Variants in MAP3K19 observed in about 807,000 individuals in gnomAD.
The protein encoded by MAP3K19 is mitogen-activated protein kinase kinase kinase 19.
Under a neutral mutation model 114.4 loss-of-function variants are expected in MAP3K19, and 91 were observed. That is an observed-to-expected ratio of 0.80 (90% CI 0.67 to 0.95). The LOEUF is 0.95. Ranked by LOEUF, MAP3K19 falls within the 40% of genes least tolerant of loss-of-function variation. The pLI, the probability that MAP3K19 is intolerant of heterozygous loss-of-function variation, is 0.00. For synonymous variants in MAP3K19, 518 were observed against 530.5 expected (o/e 0.98, Z 0.32); for missense variants, 1,471 against 1,573.2 (o/e 0.94, Z 1.10).
intron 8 of MAP3K19, among the ~76,000 whole-genome samples, chr2:134,992,917 G>A (rs1685690391): frequency 6.6e-6 from 1 of 151,778 alleles, no homozygotes; most frequent in Non-Finnish European, 1.5e-5. Flanking sequence ...TTGACCTCGT[G>A]ATCCACCGGC....
At chr2:135,036,472 A>G (rs1688529857) in intron 2 of MAP3K19, among the ~76,000 whole-genome samples, 1 of 152,214 alleles carries the variant, frequency 6.6e-6, no homozygotes, top group African/African-American at 2.4e-5. Flanking sequence ...ATTCAATTTC[A>G]AATAATTAAA....
intron 10 of MAP3K19, 22 bp downstream of exon 10, chr2:134,985,778 C>A: frequency 6.4e-7 from 1 of 1,560,982 alleles, no homozygotes; most frequent in Non-Finnish European, 8.6e-7. Context: ...CCCAATGAAT[C>A]TTGGATTCTA....
intron 6 of MAP3K19, among the ~76,000 whole-genome samples, chr2:135,003,881 A>G (rs1418755914): frequency 6.6e-6 from 1 of 152,248 alleles, no homozygotes; most frequent in Admixed American, 6.5e-5. Flanking sequence ...ACCGATATTT[A>G]AAATGAATAT....
At chr2:134,984,185 T>C (rs1267890452) in intron 10 of MAP3K19, among the ~76,000 whole-genome samples, 1 of 152,164 alleles carries the variant, frequency 6.6e-6, no homozygotes, top group African/African-American at 2.4e-5. Flanking sequence ...TGCCATCTCC[T>C]CAGCCCCCTA....
rs1185332880 is a variant in MAP3K19, at chr2:135,024,637, A to G, written c.11T>C (p.Met4Thr). 2.1e-5 allele frequency: 34 copies of G among 1,613,810 alleles called. No homozygotes were observed. The highest frequency in any genetic ancestry group is 2.8e-5 in the Non-Finnish European group (33 of 1,179,744). Residue 4 changes from methionine (M) to threonine (T), a missense_variant, in exon 4 of 13, where the codon ATG becomes ACG. Transcript: ENST00000392915. ...GTGAAAGTATTTACCTGGTTTTGGC[A>G]TAGAACTCATTAAAATGTCCAAAAG... Reference protein sequence around the residue: MSSMPKPERHAESL... With the variant: MSSTPKPERHAESL...
intron 3 of MAP3K19, among the ~76,000 whole-genome samples, chr2:135,029,779 G>C (rs1037808578): frequency 2.0e-5 from 3 of 152,224 alleles, no homozygotes; most frequent in African/African-American, 7.2e-5. Context: ...GATTTTGCAA[G>C]TTGCTTTGGG....
rs1241010575 is a variant in MAP3K19 at position 134,996,064 on chromosome 2, C to T, written c.574+2674G>A. 3.3e-5 allele frequency among the ~76,000 whole-genome samples: 5 copies of T among 152,064 alleles called. No homozygotes were observed. In the East Asian group the frequency reaches 5.8e-4, roughly 18 times the overall value. On this transcript the variant is annotated intron_variant, in intron 8 of 12. Transcript: ENST00000392915. ...AAGCAATCCTCCCACCTCAGCCTCC[C>T]GAGTAGCTGAGCCTATAGGTGTGCA...
At chr2:134,968,320 T>C (rs983459969) in intron 12 of MAP3K19, among the ~76,000 whole-genome samples, 1 of 151,894 alleles carries the variant, frequency 6.6e-6, no homozygotes, top group African/African-American at 2.4e-5. Flanking sequence ...TTCCCCCGTT[T>C]CTATTCCACA....
Position 134,986,539 on chromosome 2 carries a change from G to T in MAP3K19, c.2333C>A (p.Ser778Tyr). The change falls in exon 10 of 13, where the codon TCT (serine) becomes TAT (tyrosine). Residue 778 changes from serine (S) to tyrosine (Y), a missense_variant. Transcript: ENST00000392915. ...QIKSSGNEFL[S>Y]SKDEIHPMNL... ...CATGGGATGAATTTCATCTTTGGAAGATAGAAACTCATTTCCTGAAGACTT... is the reference window on the plus strand; with the variant it reads ...CATGGGATGAATTTCATCTTTGGAATATAGAAACTCATTTCCTGAAGACTT... The T allele has an allele frequency of 6.2e-7, 1 of 1,614,128 alleles. No individual in the cohort carries two copies. The highest frequency in any genetic ancestry group is 8.5e-7 in the Non-Finnish European group (1 of 1,180,024).
At chr2:135,046,632 G>C (rs1361476774) in intron 1 of MAP3K19, among the ~76,000 whole-genome samples, 1 of 152,062 alleles carries the variant, frequency 6.6e-6, no homozygotes, top group Non-Finnish European at 1.5e-5. Flanking sequence ...TTCCACAGAG[G>C]TTTTTAGTTT....
In MAP3K19 at chr2:134,986,979, A is replaced by C; in HGVS notation, c.1893T>G (p.Ser631=). ...TTAGTCTTGGCTCTGTCGGTTGAAC[A>C]GAGAGAGGAACACATGACTTCTGTG... ...PGTQKSCVPL[S]VQPTEPRLNY... Residue 631 remains serine, a synonymous_variant, in exon 10 of 13, where the codon TCT becomes TCG. Transcript: ENST00000392915. 1 of 1,613,798 alleles carries C rather than the reference A, an allele frequency of 6.2e-7. No homozygotes were observed. Among genetic ancestry groups the C allele is most frequent in the Non-Finnish European group, 8.5e-7 (1 of 1,180,038 alleles).
In MAP3K19 at chr2:134,998,974, T is replaced by G; in HGVS notation, c.338A>C (p.Glu113Ala). The G allele has an allele frequency of 6.2e-7, 1 of 1,613,432 alleles. No individual in the cohort carries two copies. The highest frequency in any genetic ancestry group is 8.5e-7 in the Non-Finnish European group (1 of 1,179,912). ...AGAAACTGCATGTGCTTGTGCCCAT[T>G]CTTGAAGCGATGAGTTTATCAGACT... The part of the protein sequence containing the change: ...EKNLINSSLQ[E>A]WAQAHAVSHP... Residue 113 changes from glutamate to alanine, a missense_variant, in exon 8 of 13, where the codon GAA (glutamate) becomes GCA (alanine). By Grantham distance (107) the Glu-to-Ala change is moderately radical (BLOSUM62 -1). Transcript: ENST00000392915.
At position 134,987,430 on chromosome 2, in the gene MAP3K19, A is replaced by T; in HGVS notation, c.1442T>A (p.Met481Lys). The change falls in exon 10 of 13, where the codon ATG (methionine) becomes AAG (lysine). Residue 481 changes from methionine to lysine, a missense_variant. By Grantham distance (95) the Met-to-Lys change is moderately conservative. Coordinates refer to ENST00000392915, the MANE Select transcript of MAP3K19 (RefSeq NM_025052.5). ...GAAGGTGATGTGGATAAGAGGCACC[A>T]TCCTACTCATTTCTGGTTTGGCTCT... ...AERAKPEMSR[M>K]VPLIHITFPV... The T allele has an allele frequency of 1.2e-6, 2 of 1,614,134 alleles. No homozygotes were observed. The highest frequency in any genetic ancestry group is 1.7e-6 in the Non-Finnish European group (2 of 1,180,042).
intron 1 of MAP3K19, among the ~76,000 whole-genome samples, chr2:135,045,992 A>G (rs1221561365): frequency 1.3e-5 from 2 of 151,742 alleles, no homozygotes; most frequent in Non-Finnish European, 2.9e-5. Context: ...CAGCTTGATC[A>G]TAGCTCACTG....
intron 3 of MAP3K19, 120 bp from the exon 4 acceptor site, chr2:135,024,861 GATA>G: frequency 2.0e-6 from 1 of 489,912 alleles, no homozygotes; most frequent in South Asian, 3.5e-5. Flanking sequence ...GTAGTTTGGG[GATA>G]ATAATAATGA....
In MAP3K19 at chr2:135,024,607, G is replaced by A. The variant is rs776202210; in HGVS notation, c.22+19C>T. ...ATTTTTGGGTTGGGAAATTATGCAT[G>A]TGGAGTGAAAGTATTTACCTGGTTT... On this transcript the variant is annotated intron_variant, in intron 4 of 12. Transcript: ENST00000392915. 6.2e-7 allele frequency: 1 copy of A among 1,611,054 alleles called. No individual in the cohort carries two copies. The highest frequency in any genetic ancestry group is 8.5e-7 in the Non-Finnish European group (1 of 1,177,448).
At position 134,988,145 on chromosome 2, in the gene MAP3K19, A is replaced by T. The variant is rs779350032; in HGVS notation, c.727T>A (p.Ser243Thr). ...EKERNIPSLTSFVPKLSVSVR... is the reference protein window; with the variant it reads ...EKERNIPSLTTFVPKLSVSVR... ...GACACTGAGAGCTTAGGCACAAAAG[A>T]TGTGAGACTTGGAATGTTTCTTTCT... is the stretch of plus-strand genomic sequence containing the variant. The change falls in exon 10 of 13, where the codon TCT (serine) becomes ACT (threonine). Residue 243 changes from serine to threonine, a missense_variant. Coordinates refer to ENST00000392915, the MANE Select transcript of MAP3K19 (RefSeq NM_025052.5). 5 of 1,614,028 alleles carry T rather than the reference A, an allele frequency of 3.1e-6. No individual in the cohort carries two copies. The highest frequency in any genetic ancestry group is 1.6e-4 in the Middle Eastern group (1 of 6,062).
rs1334838338 is a variant in MAP3K19, at chr2:134,986,292, A to C, written c.2580T>G (p.Ser860Arg). 3.7e-6 allele frequency: 6 copies of C among 1,614,040 alleles called. No homozygotes were observed. The highest frequency in any genetic ancestry group is 5.1e-6 in the Non-Finnish European group (6 of 1,180,002). Reference protein sequence around the residue: ...IPSEDSWAVPSEKNSNKYVQQ... With the variant: ...IPSEDSWAVPREKNSNKYVQQ... ...GTACATACTTGTTAGAATTCTTCTC[A>C]CTGGGCACTGCCCAGCTGTCTTCTG... Residue 860 changes from serine (S) to arginine (R), a missense_variant, in exon 10 of 13, where the codon AGT becomes AGG. Physicochemically the swap from Ser to Arg is moderately radical, Grantham distance 110. Coordinates refer to ENST00000392915, the MANE Select transcript of MAP3K19 (RefSeq NM_025052.5).
chr2:135,017,747 T>C (rs1188235351), intron 5 of MAP3K19, among the ~76,000 whole-genome samples: 1 of 152,172 alleles, frequency 6.6e-6, no homozygotes, highest in Non-Finnish European at 1.5e-5. Flanking sequence ...CTCTGGAAAT[T>C]AGGTTTTACC....
Sources: gnomAD v4.1 joint callset for allele counts (sites outside exome capture counted in the v4.1 genomes callset) on GRCh38, gnomAD v4.1.1 for gene constraint, MANE v1.5 for transcripts, NCBI Gene and HGNC (gene_info 2026-07-23, HGNC 2026-07-21) for gene names.